HNRNPA1L2: variants seen among roughly 807,000 people sequenced by gnomAD.
HNRNPA1L2 encodes the protein heterogeneous nuclear ribonucleoprotein A1-like 2.
In HNRNPA1L2, 10 loss-of-function variants were observed where a neutral mutation model predicts 18.2. The observed-to-expected ratio is 0.55, with a 90% CI of 0.34 to 0.93. The LOEUF (loss-of-function observed/expected upper bound fraction) is 0.93, where lower values mean the gene tolerates loss of function less well. Among genes scored for constraint, HNRNPA1L2 ranks in the 40% least tolerant of loss-of-function variants. The probability of loss-of-function intolerance (pLI) is 0.02; values close to 1 mark genes in which losing one functional copy is unlikely to be tolerated. For missense variants in HNRNPA1L2, 308 were observed against 394.4 expected (o/e 0.78, Z 1.85); for synonymous variants, 124 against 138.6 (o/e 0.89, Z 0.74).
At chr13:52,619,077 G>A in the HNRNPA1L2 span, among the ~76,000 whole-genome samples, 5 of 152,008 alleles carry the variant, frequency 3.3e-5, no homozygotes, top group African/African-American at 1.2e-4. Context: ...GCACGATCTC[G>A]GGTCACCACA....
chr13:52,639,892 T>TG (rs371453064), upstream of HNRNPA1L2, among the ~76,000 whole-genome samples: 25,836 of 128,358 alleles, frequency 0.2, 3,474 homozygotes, highest in Non-Finnish European at 0.28. Context: ...TTTTTTTTTT[T>TG]TTTGTTTTTT....
the HNRNPA1L2 span, among the ~76,000 whole-genome samples, chr13:52,620,843 A>C: frequency 6.6e-6 from 1 of 151,790 alleles, no homozygotes; most frequent in East Asian, 1.9e-4. Context: ...ACGCCACTGC[A>C]CTCCAGCCTG....
At chr13:52,633,970 C>T in the HNRNPA1L2 span, among the ~76,000 whole-genome samples, 2 of 152,158 alleles carry the variant, frequency 1.3e-5, no homozygotes, top group South Asian at 4.1e-4. Flanking sequence ...TCTGTATACC[C>T]TATAGCATCT....
the HNRNPA1L2 span, among the ~76,000 whole-genome samples, chr13:52,619,070 C>T: frequency 6.6e-6 from 1 of 151,626 alleles, no homozygotes; most frequent in African/African-American, 2.4e-5. Context: ...TGCAATGGCA[C>T]GATCTCGGGT....
the HNRNPA1L2 span, among the ~76,000 whole-genome samples, chr13:52,623,958 TTGATGCCAGCTGTC>T: frequency 2.6e-3 from 402 of 152,308 alleles, no homozygotes; most frequent in Middle Eastern, 6.8e-3. Flanking sequence ...GGTCTGGCAG[TTGATGCCAGCTGTC>T]AGCTGAGACC....
chr13:52,639,310 A>G (rs974940245), upstream of HNRNPA1L2, among the ~76,000 whole-genome samples: 1 of 152,180 alleles, frequency 6.6e-6, no homozygotes, highest in African/African-American at 2.4e-5. Flanking sequence ...GAGTACGTTT[A>G]AGGTAGGCTA....
At chr13:52,628,144 G>A in the HNRNPA1L2 span, among the ~76,000 whole-genome samples, 7 of 152,054 alleles carry the variant, frequency 4.6e-5, no homozygotes, top group Non-Finnish European at 7.4e-5. Context: ...GATGTATTTC[G>A]GGAAGTTAAA....
the HNRNPA1L2 span, among the ~76,000 whole-genome samples, chr13:52,620,335 A>G: frequency 6.6e-6 from 1 of 152,196 alleles, no homozygotes; most frequent in Non-Finnish European, 1.5e-5. Context: ...TCAGCTGCCT[A>G]TGTGATTTGT....
chr13:52,632,041 G>A, the HNRNPA1L2 span, among the ~76,000 whole-genome samples: 180 of 151,974 alleles, frequency 1.2e-3, 2 homozygotes, highest in African/African-American at 4.3e-3. Context: ...AAACATTGCA[G>A]TGTTTCCTGC....
At chr13:52,638,325 A>G (rs1289085530), upstream of HNRNPA1L2, among the ~76,000 whole-genome samples, 1 of 152,222 alleles carries the variant, frequency 6.6e-6, no homozygotes, top group East Asian at 1.9e-4. Flanking sequence ...TTTAAAAGAT[A>G]AGAAATTTGC....
At chr13:52,636,941 C>T in the HNRNPA1L2 span, among the ~76,000 whole-genome samples, 1 of 152,142 alleles carries the variant, frequency 6.6e-6, no homozygotes, top group South Asian at 2.1e-4. Flanking sequence ...AAGCGGTTCT[C>T]CTGCCTCAGC....
rs1200335095 is a variant in HNRNPA1L2 at position 52,643,165 on chromosome 13, CGTG to C, written c.678_680del (p.Gly227del). ...TGGTCGTGGAGGAAACTTCAGTGGT[CGTG>C]GTGGCTTTGGTGGCAGCTGTGGTGG... is the stretch of plus-strand genomic sequence containing the variant. On this transcript the variant is annotated inframe_deletion, in exon 1 of 1. Coordinates refer to ENST00000357495, the MANE Select transcript of HNRNPA1L2 (RefSeq NM_001389320.1). 5 of 1,597,708 alleles carry C rather than the reference CGTG, an allele frequency of 3.1e-6. No individual in the cohort carries two copies. Among genetic ancestry groups the C allele is most frequent in the South Asian group, 2.2e-5 (2 of 90,968 alleles).
At chr13:52,640,542 G>A (rs1031204028), upstream of HNRNPA1L2, among the ~76,000 whole-genome samples, 1 of 152,216 alleles carries the variant, frequency 6.6e-6, no homozygotes, top group Non-Finnish European at 1.5e-5. Flanking sequence ...GTCATTTTAA[G>A]TTTGTCCCTC....
chr13:52,624,837 T>C, the HNRNPA1L2 span, among the ~76,000 whole-genome samples: 2 of 152,132 alleles, frequency 1.3e-5, no homozygotes. Flanking sequence ...GAGACCTACC[T>C]GATCGACATG....
the HNRNPA1L2 span, among the ~76,000 whole-genome samples, chr13:52,623,345 A>C: frequency 1.3e-5 from 2 of 152,206 alleles, no homozygotes; most frequent in African/African-American, 2.4e-5. Flanking sequence ...CTTTCCAATT[A>C]GGCATGAGTG....
At chr13:52,640,582 A>C (rs1925135), upstream of HNRNPA1L2, among the ~76,000 whole-genome samples, 21 of 152,298 alleles carry the variant, frequency 1.4e-4, no homozygotes, top group East Asian at 4.0e-3. Flanking sequence ...TCATTCAACC[A>C]ACATGTATTG....
chr13:52,642,811 A>G lies in HNRNPA1L2; in HGVS notation c.319A>G (p.Ile107Val), dbSNP rs780378467. ...RPGAHLTVKK[I>V]FVGGIKEDTE... ...AGGTGCCCACTTAACTGTGAAAAAG[A>G]TATTTGTTGGTGGCATTAAAGAAGA... The change falls in exon 1 of 1, where the codon ATA becomes GTA. Residue 107 changes from isoleucine to valine, a missense_variant. Transcript: ENST00000357495. 5 of 1,596,310 alleles carry G rather than the reference A, an allele frequency of 3.1e-6. No individual in the cohort carries two copies. In the Admixed American group the frequency reaches 8.3e-5, roughly 27 times the overall value.
At chr13:52,625,516 T>G in the HNRNPA1L2 span, among the ~76,000 whole-genome samples, 1 of 152,214 alleles carries the variant, frequency 6.6e-6, no homozygotes, top group Admixed American at 6.5e-5. Context: ...TCCCTACAAT[T>G]TTTATTAATT....
chr13:52,643,469 C>G lies in HNRNPA1L2; in HGVS notation c.*14C>G. ...AGAAGATTTTAATTAGGAAACAAAG[C>G]TTAGCAGGAGAGGAGAGCCAGAGAA... is the stretch of plus-strand genomic sequence containing the variant. On this transcript the variant is annotated 3_prime_UTR_variant, in exon 1 of 1. Transcript: ENST00000357495. 12 of 1,589,038 alleles carry G rather than the reference C, an allele frequency of 7.6e-6. No homozygotes were observed. The highest frequency in any genetic ancestry group is 1.0e-5 in the Non-Finnish European group (12 of 1,172,500).
Sources: allele counts gnomAD v4.1 joint callset (sites outside exome capture counted in the v4.1 genomes callset), GRCh38; gene constraint gnomAD v4.1.1; transcripts MANE v1.5; gene names NCBI Gene and HGNC (gene_info 2026-07-23, HGNC 2026-07-21).